The following EZH1 variants were observed in gnomAD, a reference collection of about 807,000 sequenced individuals.
EZH1 encodes enhancer of zeste 1 polycomb repressive complex 2 subunit.
Under a neutral mutation model 100.5 loss-of-function variants are expected in EZH1, and 33 were observed. The observed-to-expected ratio is 0.33, with a 90% CI of 0.25 to 0.44. The LOEUF (loss-of-function observed/expected upper bound fraction) is 0.44. EZH1 is among the 20% of genes least tolerant of loss of function. The probability of loss-of-function intolerance (pLI) is 1.00; values close to 1 mark genes in which losing one functional copy is unlikely to be tolerated. For missense variants in EZH1, 475 were observed against 928.4 expected (o/e 0.51, Z 6.35); for synonymous variants, 272 against 313.8 (o/e 0.87, Z 1.41).
intron 14 of EZH1, 36 bp downstream of exon 14, chr17:42,708,840 A>C (rs568389125): frequency 1.5e-5 from 25 of 1,613,410 alleles, no homozygotes; most frequent in African/African-American, 1.3e-4. Context: ...TGAGGCCTCC[A>C]GCTGAACTGC....
chr17:42,728,813 A>G lies in EZH1; in HGVS notation c.117+12T>C. 1 of 1,610,466 alleles carries G rather than the reference A, an allele frequency of 6.2e-7. No individual in the cohort carries two copies. Among genetic ancestry groups the G allele is most frequent in the Non-Finnish European group, 8.5e-7 (1 of 1,178,798 alleles). ...GAAATATATAAACTTTCACTTGGGA[A>G]TTATTTTTTACCTTTGCACCCATAT... is the stretch of plus-strand genomic sequence containing the variant. On this transcript the variant is annotated intron_variant, in intron 3 of 20. Coordinates refer to ENST00000428826, the MANE Select transcript of EZH1 (RefSeq NM_001991.5).
At chr17:42,727,579 A>C in intron 4 of EZH1, 56 bp downstream of exon 4, 2 of 1,566,926 alleles carry the variant, frequency 1.3e-6, no homozygotes, top group Non-Finnish European at 1.7e-6. Context: ...CAAATATAGG[A>C]AAAAGCTTTA....
At position 42,703,518 on chromosome 17, in the gene EZH1, G is replaced by T. The variant is rs1189282696; in HGVS notation, c.2098+222C>A. On this transcript the variant is annotated intron_variant, in intron 19 of 20. Coordinates refer to ENST00000428826, the MANE Select transcript of EZH1 (RefSeq NM_001991.5). ...AGATGGGTCTCACTATGTTGCTCAGGCTGGTTAAATCATGTTTGTGGGAAA... is the reference window on the plus strand; with the variant it reads ...AGATGGGTCTCACTATGTTGCTCAGTCTGGTTAAATCATGTTTGTGGGAAA... 1.1e-5 allele frequency: 6 copies of T among 542,424 alleles called. No homozygotes were observed. In the Admixed American group the frequency reaches 1.3e-4, roughly 12 times the overall value. 33.6% of individuals were successfully genotyped at this position (542,424 alleles called of 1,614,324 possible).
At position 42,703,355 on chromosome 17, in the gene EZH1, T is replaced by C. The variant is rs180840836; in HGVS notation, c.2098+385A>G. 25 of 289,092 alleles carry C rather than the reference T, an allele frequency of 8.6e-5. No homozygotes were observed. The Admixed American group carries it at 8.9e-4, about 10-fold the overall frequency. 17.9% of individuals were successfully genotyped at this position (289,092 alleles called of 1,614,324 possible). A position where few individuals can be genotyped will look rare whatever the true frequency, so the allele number is the denominator to read the frequency against. On this transcript the variant is annotated intron_variant, in intron 19 of 20. Coordinates refer to ENST00000428826, the MANE Select transcript of EZH1 (RefSeq NM_001991.5). ...ACGCCCCCCAGCTGATTTTTGTATT[T>C]TTAGTAGAGATGGGGTTTCACCATG...
intron 17 of EZH1, 67 bp from the exon 18 acceptor site, chr17:42,704,750 C>T: frequency 7.9e-7 from 1 of 1,257,978 alleles, no homozygotes; most frequent in Non-Finnish European, 1.1e-6. Context: ...TACCCTGCCC[C>T]CAGAAAGGGC....
intron 1 of EZH1, among the ~76,000 whole-genome samples, chr17:42,740,220 T>C (rs1199431652): frequency 6.6e-6 from 1 of 151,536 alleles, no homozygotes; most frequent in Non-Finnish European, 1.5e-5. Context: ...GCTAATTTTT[T>C]ATATTTTCAG....
At chr17:42,713,536 T>G in intron 10 of EZH1, 147 bp from the exon 11 acceptor site, 2 of 661,918 alleles carry the variant, frequency 3.0e-6, no homozygotes, top group Non-Finnish European at 4.5e-6. Context: ...TATGATCATA[T>G]AACAATGAGA....
intron 18 of EZH1, among the ~76,000 whole-genome samples, 166 bp from the exon 19 acceptor site, chr17:42,703,986 T>C (rs1040089974): frequency 6.6e-6 from 1 of 152,184 alleles, no homozygotes; most frequent in Non-Finnish European, 1.5e-5. Flanking sequence ...GCCTCAGAAT[T>C]CAGCCTTGTG....
At chr17:42,709,189 C>CAAGAAGGGTTGGA in intron 13 of EZH1, 1 of 516,282 alleles carries the variant, frequency 1.9e-6, no homozygotes. Flanking sequence ...AAAGCCCAAG[C>CAAGAAGGGTTGGA]CTATTGGTCT....
rs759946454 is a variant in EZH1 at position 42,708,157 on chromosome 17, G to T, written c.1535-74C>A. ...TGTCTTCCCTCCCAAGTGTCCAGCT[G>T]CCCTGATTCAGAGGAGGCTGGTCCT... On this transcript the variant is annotated intron_variant, in intron 14 of 20. Transcript: ENST00000428826. 12 of 1,501,902 alleles carry T rather than the reference G, an allele frequency of 8.0e-6. No homozygotes were observed. In the Admixed American group the frequency reaches 2.6e-4, roughly 32 times the overall value. The allele number at this position is 1,501,902 out of a possible 1,614,324, so 93.0% of individuals were successfully genotyped here.
At chr17:42,711,932 A>T (rs942063595) in intron 12 of EZH1, among the ~76,000 whole-genome samples, 7 of 152,208 alleles carry the variant, frequency 4.6e-5, no homozygotes, top group African/African-American at 1.7e-4. Context: ...CAGTGTGCTC[A>T]TTAACAAGAG....
At chr17:42,731,170 T>A (rs369412225) in intron 1 of EZH1, among the ~76,000 whole-genome samples, 16 of 151,832 alleles carry the variant, frequency 1.1e-4, no homozygotes, top group Middle Eastern at 3.2e-3. Context: ...CAAGCTGGAG[T>A]GCAGTGGCAC....
At chr17:42,719,959 A>G (rs903635059) in intron 7 of EZH1, among the ~76,000 whole-genome samples, 1 of 152,220 alleles carries the variant, frequency 6.6e-6, no homozygotes, top group South Asian at 2.1e-4. Flanking sequence ...AGTGACATGG[A>G]AAAGTACTCA....
Position 42,718,711 on chromosome 17 carries a change from G to A in EZH1, c.768-94C>T. 1 of 1,338,572 alleles carries A rather than the reference G, an allele frequency of 7.5e-7. No individual in the cohort carries two copies. Among genetic ancestry groups the A allele is most frequent in the Non-Finnish European group, 1.0e-6 (1 of 964,820 alleles). 82.9% of individuals were successfully genotyped at this position (1,338,572 alleles called of 1,614,324 possible). Reference sequence around the variant, plus strand: ...ACTGACAGTAGCTCACCTACGGTCTGCCAAGGGAGGATGGGTGTTTTTTAT... The same window carrying A: ...ACTGACAGTAGCTCACCTACGGTCTACCAAGGGAGGATGGGTGTTTTTTAT... On this transcript the variant is annotated intron_variant, in intron 8 of 20. Transcript: ENST00000428826. The surrounding 1 kb of genome is among the most constrained non-coding windows in gnomAD (Gnocchi z 4.2).
chr17:42,745,037 T>C lies in EZH1; in HGVS notation c.-129A>G. ...CTCCATCCCGAGCCGCGGGTCCCGC[T>C]GCTAGGACGCATGCGCGCCGCGGCC... On this transcript the variant is annotated 5_prime_UTR_variant, in exon 1 of 21. Transcript: ENST00000428826. The C allele has an allele frequency of 7.9e-7, 1 of 1,268,908 alleles. No individual in the cohort carries two copies. Among genetic ancestry groups the C allele is most frequent in the Non-Finnish European group, 1.0e-6 (1 of 980,242 alleles). 78.6% of individuals were successfully genotyped at this position (1,268,908 alleles called of 1,614,324 possible). A position where few individuals can be genotyped will look rare whatever the true frequency, so the allele number is the denominator to read the frequency against.
rs199871835 is a variant in EZH1, at chr17:42,723,124, C to T, written c.367-209G>A. Among the ~76,000 whole-genome samples the T allele has an allele frequency of 7.9e-5, 12 of 152,324 alleles. No homozygotes were observed. The East Asian group carries it at 2.3e-3, about 29-fold the overall frequency. On this transcript the variant is annotated intron_variant, in intron 5 of 20. Transcript: ENST00000428826. ...AAGTGTGGTGGCTCACGCCTGCAAT[C>T]CCAGCACTTTGGGAGGCCGAGGCAG...
intron 1 of EZH1, among the ~76,000 whole-genome samples, chr17:42,740,969 G>A (rs1045552552): frequency 5.3e-5 from 8 of 152,212 alleles, no homozygotes; most frequent in African/African-American, 9.6e-5. Flanking sequence ...TATGTACACA[G>A]TTTGGACATA....
chr17:42,712,519 G>T (rs780581994), intron 11 of EZH1, 34 bp from the exon 12 acceptor site: 12 of 1,591,658 alleles, frequency 7.5e-6, no homozygotes, highest in Non-Finnish European at 7.7e-6. Context: ...ATCAGAAGAA[G>T]GTAGAATGCA....
intron 1 of EZH1, among the ~76,000 whole-genome samples, chr17:42,743,171 C>CTTTTT (rs543119090): frequency 8.1e-6 from 1 of 123,906 alleles, no homozygotes; most frequent in African/African-American, 3.1e-5. Flanking sequence ...GCCAGGCCTC[C>CTTTTT]TTTTTTTTTT....
Sources: gnomAD v4.1 joint callset for allele counts (sites outside exome capture counted in the v4.1 genomes callset) on GRCh38, gnomAD v4.1.1 for gene constraint, Gnocchi (gnomAD v3.1) non-coding constraint, MANE v1.5 for transcripts, NCBI Gene and HGNC (gene_info 2026-07-23, HGNC 2026-07-21) for gene names.